Variants in MIPOL1 observed in about 807,000 individuals in gnomAD.
The protein encoded by MIPOL1 is mirror-image polydactyly gene 1 protein.
In MIPOL1, 57 loss-of-function variants were observed where a neutral mutation model predicts 60.9. The observed-to-expected ratio is 0.94, with a 90% CI of 0.76 to 1.17. The LOEUF (loss-of-function observed/expected upper bound fraction) is 1.17. MIPOL1 is among the 50% of genes most tolerant of loss of function. The pLI is 0.00. For missense variants in MIPOL1, 551 were observed against 511.6 expected (o/e 1.08, Z -0.74); for synonymous variants, 179 against 168.8 (o/e 1.06, Z -0.47).
At chr14:37,368,510 A>G (rs971492192) in intron 9 of MIPOL1, among the ~76,000 whole-genome samples, 1 of 152,112 alleles carries the variant, frequency 6.6e-6, no homozygotes, top group Admixed American at 6.6e-5. Context: ...TATTATGACA[A>G]CTATCCATTT....
At chr14:37,403,103 A>G (rs1219068467) in intron 10 of MIPOL1, among the ~76,000 whole-genome samples, 1 of 152,220 alleles carries the variant, frequency 6.6e-6, no homozygotes, top group Admixed American at 6.5e-5. Context: ...ATTTACTCTC[A>G]CTGCTACCAT....
chr14:37,294,546 G>A (rs2085434016), intron 7 of MIPOL1, among the ~76,000 whole-genome samples: 1 of 152,074 alleles, frequency 6.6e-6, no homozygotes, highest in Non-Finnish European at 1.5e-5. Context: ...TGGCAAAGAA[G>A]TTAAAAACTT....
chr14:37,203,411 A>G (rs963388912), intron 1 of MIPOL1, among the ~76,000 whole-genome samples: 1 of 152,192 alleles, frequency 6.6e-6, no homozygotes, highest in Non-Finnish European at 1.5e-5. Flanking sequence ...CAGTTTAGTC[A>G]CATAGTTACT....
intron 9 of MIPOL1, among the ~76,000 whole-genome samples, chr14:37,335,464 T>C (rs1424041636): frequency 1.3e-5 from 2 of 152,120 alleles, no homozygotes; most frequent in Non-Finnish European, 2.9e-5. Flanking sequence ...TCTTTGTCTA[T>C]GAAGTTGAGT....
chr14:37,439,442 T>TC (rs1203836342), intron 11 of MIPOL1, among the ~76,000 whole-genome samples: 3 of 152,210 alleles, frequency 2.0e-5, no homozygotes, highest in East Asian at 3.8e-4. Flanking sequence ...ATTCTGTGTT[T>TC]CCTGGAGAGC....
In MIPOL1 at chr14:37,491,790, G is replaced by A. The variant is rs143875343; in HGVS notation, c.1032-8118G>A. 2.7e-3 allele frequency among the ~76,000 whole-genome samples: 410 copies of A among 152,160 alleles called. 2 individuals are homozygous for A. Among genetic ancestry groups the A allele is most frequent in the African/African-American group, 9.4e-3 (392 of 41,482 alleles). On this transcript the variant is annotated intron_variant, in intron 11 of 12. Coordinates refer to ENST00000684589, the MANE Select transcript of MIPOL1 (RefSeq NM_001388067.1). ...TTATTTTTTCTCTGAAAGTACTTTA[G>A]CAGGTTATTTTATTAAACTAAACCA...
intron 10 of MIPOL1, among the ~76,000 whole-genome samples, chr14:37,389,929 G>A (rs1458167523): frequency 5.3e-5 from 8 of 151,898 alleles, no homozygotes; most frequent in Admixed American, 2.6e-4. Context: ...GGCTGGGCAC[G>A]GTGGCTCACA....
chr14:37,406,568 T>C (rs940643168), intron 10 of MIPOL1, among the ~76,000 whole-genome samples: 1 of 152,120 alleles, frequency 6.6e-6, no homozygotes, highest in East Asian at 1.9e-4. Context: ...TGTTCTTAGG[T>C]AGTACCAGAG....
At chr14:37,516,484 A>T (rs2095370257) in intron 12 of MIPOL1, among the ~76,000 whole-genome samples, 1 of 152,188 alleles carries the variant, frequency 6.6e-6, no homozygotes, top group South Asian at 2.1e-4. Flanking sequence ...ACTTCATAGG[A>T]TAAATATATG....
At chr14:37,428,634 T>TA (rs917554294) in intron 11 of MIPOL1, among the ~76,000 whole-genome samples, 1 of 150,664 alleles carries the variant, frequency 6.6e-6, no homozygotes, top group Non-Finnish European at 1.5e-5. Flanking sequence ...GCCTTTTTTT[T>TA]AAAAAAGTGG....
chr14:37,390,084 T>G (rs750304972), intron 10 of MIPOL1, among the ~76,000 whole-genome samples: 3 of 151,982 alleles, frequency 2.0e-5, no homozygotes, highest in Admixed American at 1.3e-4. Context: ...CCAGGCATGG[T>G]GGTGGGCACC....
intron 9 of MIPOL1, among the ~76,000 whole-genome samples, chr14:37,337,807 CA>C (rs1168928292): frequency 6.6e-6 from 1 of 151,968 alleles, no homozygotes; most frequent in Non-Finnish European, 1.5e-5. Flanking sequence ...ATATAATTTG[CA>C]AAATTTTCTC....
intron 10 of MIPOL1, among the ~76,000 whole-genome samples, chr14:37,405,268 T>A (rs2093565435): frequency 6.6e-6 from 1 of 152,142 alleles, no homozygotes; most frequent in Admixed American, 6.5e-5. Context: ...TTCTTATGCT[T>A]TTCACATGCT....
intron 11 of MIPOL1, among the ~76,000 whole-genome samples, chr14:37,488,271 A>G (rs753726422): frequency 2.6e-5 from 4 of 152,134 alleles, no homozygotes; most frequent in Admixed American, 6.5e-5. Flanking sequence ...AATAAGTGCA[A>G]TAGGTGCTGA....
intron 11 of MIPOL1, among the ~76,000 whole-genome samples, chr14:37,478,730 C>T (rs369581619): frequency 5.3e-5 from 8 of 151,990 alleles, no homozygotes; most frequent in Admixed American, 1.3e-4. Context: ...AGATATTCCA[C>T]GTAAATGGAT....
chr14:37,217,460 C>A (rs1967933484), intron 1 of MIPOL1, among the ~76,000 whole-genome samples: 1 of 152,140 alleles, frequency 6.6e-6, no homozygotes, highest in South Asian at 2.1e-4. Context: ...AGCCACAGTC[C>A]AATCTCTCTG....
intron 9 of MIPOL1, among the ~76,000 whole-genome samples, chr14:37,356,199 G>A (rs1459092121): frequency 6.6e-6 from 1 of 151,942 alleles, no homozygotes; most frequent in African/African-American, 2.4e-5. Flanking sequence ...GCTGGGGTGT[G>A]CCTCCCAGTT....
intron 6 of MIPOL1, among the ~76,000 whole-genome samples, chr14:37,282,772 A>AG (rs2084229901): frequency 6.8e-6 from 1 of 146,144 alleles, no homozygotes; most frequent in South Asian, 2.2e-4. Context: ...AAAAAAAAAG[A>AG]AGGTAGTTAT....
At chr14:37,334,049 A>G (rs1189956087) in intron 9 of MIPOL1, among the ~76,000 whole-genome samples, 1 of 152,070 alleles carries the variant, frequency 6.6e-6, no homozygotes, top group Non-Finnish European at 1.5e-5. Flanking sequence ...TAGAATAGGA[A>G]ATTAAGCAAC....
Sources: gnomAD v4.1 joint callset for allele counts (sites outside exome capture counted in the v4.1 genomes callset) on GRCh38, gnomAD v4.1.1 for gene constraint, MANE v1.5 for transcripts, NCBI Gene and HGNC (gene_info 2026-07-23, HGNC 2026-07-21) for gene names.